COL6A3: variants seen among roughly 807,000 people sequenced by gnomAD.
COL6A3 encodes collagen alpha-3(VI) chain.
Under a neutral mutation model 274.1 loss-of-function variants are expected in COL6A3, and 137 were observed. The ratio of observed to expected loss-of-function variants is 0.50; its 90% CI spans 0.44 to 0.58. The LOEUF is 0.58. Ranked by LOEUF, COL6A3 falls within the 20% of genes least tolerant of loss-of-function variation. The pLI is 0.00. For synonymous variants in COL6A3, 1,650 were observed against 1,650.6 expected (o/e 1.00, Z 0.01); for missense variants, 3,950 against 4,124.9 (o/e 0.96, Z 1.16).
At chr2:237,400,486 G>A (rs1364161135) in intron 1 of COL6A3, among the ~76,000 whole-genome samples, 1 of 151,790 alleles carries the variant, frequency 6.6e-6, no homozygotes, top group Non-Finnish European at 1.5e-5. Flanking sequence ...AGCACACCAA[G>A]AAACTGGATA....
chr2:237,369,833 TTTTC>T (rs1442033827), intron 9 of COL6A3, among the ~76,000 whole-genome samples: 3 of 151,942 alleles, frequency 2.0e-5, no homozygotes, highest in Admixed American at 1.3e-4. Context: ...CTCTATTTCC[TTTTC>T]TTTCTTTTTT....
At position 237,361,802 on chromosome 2, in the gene COL6A3, C is replaced by T; in HGVS notation, c.6093G>A (p.Gly2031=). Residue 2031 remains glycine (G), a synonymous_variant, in exon 15 of 44, where the codon GGG becomes GGA. Coordinates refer to ENST00000295550, the MANE Select transcript of COL6A3 (RefSeq NM_004369.4). This position sits in a 1 kb window ranked among gnomAD's most constrained non-coding sequence, Gnocchi z 5.1. ...TCTGCCCAGAGCACTTGCAGGGAAC[C>T]CCACAGCAAGCTTTCTCGGCAATGT... The part of the protein sequence containing the change: ...LDNIAEKACC[G]VPCKCSGQRG... 1 of 1,614,170 alleles carries T rather than the reference C, an allele frequency of 6.2e-7. No individual in the cohort carries two copies. The highest frequency in any genetic ancestry group is 8.5e-7 in the Non-Finnish European group (1 of 1,180,018).
chr2:237,346,241 T>C (rs1403714430), intron 32 of COL6A3, among the ~76,000 whole-genome samples: 1 of 152,234 alleles, frequency 6.6e-6, no homozygotes, highest in Admixed American at 6.5e-5. Flanking sequence ...AATGCACCTA[T>C]GCCAGGAAAC....
intron 22 of COL6A3, 45 bp downstream of exon 22, chr2:237,357,772 C>T (rs777392453): frequency 6.3e-7 from 1 of 1,597,998 alleles, no homozygotes; most frequent in Admixed American, 1.7e-5. Context: ...TGTCCTTTCT[C>T]TTGCCCTCAG....
Position 237,347,075 on chromosome 2 carries a change from T to G in COL6A3, c.7030-510A>C, listed in dbSNP as rs1018758524. On this transcript the variant is annotated intron_variant, in intron 31 of 43. Coordinates refer to ENST00000295550, the MANE Select transcript of COL6A3 (RefSeq NM_004369.4). ...CAGATCTAGGCCACAATTTGCTAATTGAAGACTCTGCCATTTTAAGAGGGT... is the reference window on the plus strand; with the variant it reads ...CAGATCTAGGCCACAATTTGCTAATGGAAGACTCTGCCATTTTAAGAGGGT... Among the ~76,000 whole-genome samples the G allele has an allele frequency of 4.6e-5, 7 of 152,250 alleles. No homozygotes were observed. In the South Asian group the frequency reaches 6.2e-4, roughly 14 times the overall value.
At chr2:237,386,715 G>A (rs1377130566) in intron 4 of COL6A3, 1 of 152,268 alleles carries the variant, frequency 6.6e-6, no homozygotes, top group African/African-American at 2.4e-5. Flanking sequence ...TCTGGAAACT[G>A]TTGGGGGCCA....
At chr2:237,333,004 C>T in intron 42 of COL6A3, 2 of 273,656 alleles carry the variant, frequency 7.3e-6, no homozygotes, top group Non-Finnish European at 1.4e-5. Flanking sequence ...ATGTCCGGAC[C>T]AGAACACCCC....
intron 26 of COL6A3, among the ~76,000 whole-genome samples, chr2:237,351,702 A>C (rs945394030): frequency 3.9e-5 from 6 of 152,262 alleles, no homozygotes; most frequent in African/African-American, 7.2e-5. Flanking sequence ...TTCTGGAGCT[A>C]CTGGATAACT....
Position 237,380,948 on chromosome 2 carries a change from C to T in COL6A3, c.1864G>A (p.Ala622Thr), listed in dbSNP as rs747051152. ...GTTCCAGAGAGGGTCCTGAGAGGTG[C>T]CAGCAAGCCAGGCAGCATGCCTTGC... ...PLQGMLPGLLAPLRTLSGTPE... is the reference protein window; with the variant it reads ...PLQGMLPGLLTPLRTLSGTPE... The change falls in exon 5 of 44, where the codon GCA (alanine) becomes ACA (threonine). Residue 622 changes from alanine (A) to threonine (T), a missense_variant. Around this residue, in one of 5 missense-constraint regions of COL6A3, gnomAD observed 1,934 missense variants for 1,984.3 expected, o/e 0.97. Transcript: ENST00000295550. 6.2e-7 allele frequency: 1 copy of T among 1,614,098 alleles called. No individual in the cohort carries two copies. Among genetic ancestry groups the T allele is most frequent in the Non-Finnish European group, 8.5e-7 (1 of 1,180,018 alleles).
At chr2:237,410,732 T>A (rs2106409062) in intron 1 of COL6A3, among the ~76,000 whole-genome samples, 1 of 152,328 alleles carries the variant, frequency 6.6e-6, no homozygotes, top group South Asian at 2.1e-4. Flanking sequence ...TGTGGAATAC[T>A]CCCTGGAAAT....
rs529114949 is a variant in COL6A3 at position 237,366,138 on chromosome 2, C to T, written c.5501-103G>A. 178 of 985,536 alleles carry T rather than the reference C, an allele frequency of 1.8e-4. 4 individuals are homozygous for T. In the South Asian group the frequency reaches 2.2e-3, roughly 12 times the overall value. 61.0% of individuals were successfully genotyped at this position (985,536 alleles called of 1,614,324 possible). ...CAACCCAGGCAGAGGACCAGGGCAT[C>T]GCACTCAAGTGCAAAATGAGATCCT... On this transcript the variant is annotated intron_variant, in intron 11 of 43. Coordinates refer to ENST00000295550, the MANE Select transcript of COL6A3 (RefSeq NM_004369.4).
chr2:237,404,082 C>T (rs2106400795), intron 1 of COL6A3, among the ~76,000 whole-genome samples: 1 of 152,116 alleles, frequency 6.6e-6, no homozygotes, highest in Admixed American at 6.5e-5. Context: ...TTGATTCGTT[C>T]TATCAAGCTT....
intron 2 of COL6A3, among the ~76,000 whole-genome samples, chr2:237,395,728 T>C (rs565784601): frequency 6.6e-6 from 1 of 152,370 alleles, no homozygotes; most frequent in East Asian, 1.9e-4. Flanking sequence ...ACATGTTCTT[T>C]AAGCGAGGAG....
At chr2:237,379,991 C>T (rs554888889) in intron 5 of COL6A3, among the ~76,000 whole-genome samples, 6 of 152,346 alleles carry the variant, frequency 3.9e-5, no homozygotes, top group African/African-American at 1.4e-4. Flanking sequence ...ACACATTTAC[C>T]ATGTGCCTTT....
At chr2:237,333,332 AC>A in intron 42 of COL6A3, 117 bp downstream of exon 42, 1 of 888,120 alleles carries the variant, frequency 1.1e-6, no homozygotes, top group Non-Finnish European at 1.8e-6. Flanking sequence ...GCTGACGTGG[AC>A]CTTTTCCCCC....
intron 1 of COL6A3, among the ~76,000 whole-genome samples, chr2:237,405,770 G>A (rs4663746): frequency 0.012 from 1,825 of 152,176 alleles, 70 homozygotes; most frequent in Admixed American, 0.058. Context: ...GCCAGATTTG[G>A]CCCAGATCTC....
intron 27 of COL6A3, among the ~76,000 whole-genome samples, chr2:237,350,538 G>A (rs1704500165): frequency 6.6e-6 from 1 of 152,154 alleles, no homozygotes; most frequent in African/African-American, 2.4e-5. Flanking sequence ...AGACCATCGT[G>A]GATTCACAGG....
At position 237,359,438 on chromosome 2, in the gene COL6A3, T is replaced by C. The variant is rs2077387822; in HGVS notation, c.6283-50A>G. On this transcript the variant is annotated intron_variant, in intron 17 of 43. Transcript: ENST00000295550. Reference sequence around the variant, plus strand: ...GCATTAGCTTTTCCTGCAGGGCTGGTCCCTCGGGCAGAAGAGGCCAAGGGC... The same window carrying C: ...GCATTAGCTTTTCCTGCAGGGCTGGCCCCTCGGGCAGAAGAGGCCAAGGGC... 1.9e-6 allele frequency: 3 copies of C among 1,608,750 alleles called. No individual in the cohort carries two copies. In the Admixed American group the frequency reaches 5.0e-5, roughly 27 times the overall value.
At chr2:237,399,156 C>G (rs75982045) in intron 1 of COL6A3, among the ~76,000 whole-genome samples, 1 of 152,138 alleles carries the variant, frequency 6.6e-6, no homozygotes, top group East Asian at 1.9e-4. Context: ...GAAAACCCCA[C>G]GATTCCATAG....
Sources: gnomAD v4.1 joint callset for allele counts (sites outside exome capture counted in the v4.1 genomes callset) on GRCh38, gnomAD v4.1.1 for gene constraint, gnomAD v4.1.1 regional missense constraint, Gnocchi (gnomAD v3.1) non-coding constraint, MANE v1.5 for transcripts, NCBI Gene and HGNC (gene_info 2026-07-23, HGNC 2026-07-21) for gene names.